Variants in BLM observed in about 807,000 individuals in gnomAD.
BLM encodes recQ-like DNA helicase BLM.
A neutral mutation model predicts 135.3 loss-of-function variants in BLM; 95 were observed. The observed-to-expected ratio is 0.70, with a 90% CI of 0.59 to 0.83. The LOEUF is 0.83. Among genes scored for constraint, BLM ranks in the 40% least tolerant of loss-of-function variants. BLM has a pLI of 0.00. For missense variants in BLM, 1,518 were observed against 1,663.9 expected, an observed-to-expected ratio of 0.91 and a Z score of 1.53; for synonymous variants, 520 against 589.2, an observed-to-expected ratio of 0.88 and a Z score of 1.70.
intron 21 of BLM, among the ~76,000 whole-genome samples, chr15:90,814,593 C>A (rs994503976): frequency 2.0e-5 from 3 of 152,134 alleles, no homozygotes. Context: ...GCCAGGAAGA[C>A]GCCCAGCTTT....
intron 1 of BLM, among the ~76,000 whole-genome samples, chr15:90,717,853 C>T (rs901076131): frequency 6.6e-6 from 1 of 152,252 alleles, no homozygotes; most frequent in Non-Finnish European, 1.5e-5. Context: ...TCCATAATCA[C>T]GAGCTGGGCT....
intron 4 of BLM, among the ~76,000 whole-genome samples, chr15:90,752,242 C>A (rs1030903045): frequency 1.3e-5 from 2 of 150,686 alleles, no homozygotes; most frequent in Admixed American, 1.3e-4. Context: ...GTGGTATGAT[C>A]TTGGCTCACT....
chr15:90,771,226 C>G (rs1336726908), intron 12 of BLM, among the ~76,000 whole-genome samples: 2 of 152,212 alleles, frequency 1.3e-5, no homozygotes, highest in African/African-American at 4.8e-5. Context: ...GTGGCTCATG[C>G]CTGTAATCCC....
intron 21 of BLM, among the ~76,000 whole-genome samples, chr15:90,813,186 G>C (rs916664260): frequency 3.3e-5 from 5 of 152,174 alleles, no homozygotes; most frequent in African/African-American, 4.8e-5. Flanking sequence ...TAAAAAACAC[G>C]CATGGTCTTC....
At chr15:90,794,093 A>G in intron 15 of BLM, 74 bp from the exon 16 acceptor site, 3 of 1,112,340 alleles carry the variant, frequency 2.7e-6, no homozygotes, top group Non-Finnish European at 2.6e-6. Context: ...ATATGAATCT[A>G]TTCTAAATAT....
chr15:90,752,470 C>T (rs1048563954), intron 4 of BLM, among the ~76,000 whole-genome samples: 26 of 152,246 alleles, frequency 1.7e-4, no homozygotes, highest in African/African-American at 6.0e-4. Context: ...AGCCACCTTG[C>T]CTGGCCTTAT....
chr15:90,767,405 A>T (rs1472867283), intron 10 of BLM, among the ~76,000 whole-genome samples: 1 of 152,206 alleles, frequency 6.6e-6, no homozygotes, highest in Admixed American at 6.5e-5. Flanking sequence ...AATGTCCTTT[A>T]TAGCAAAAGA....
chr15:90,737,040 C>G (rs775343524), intron 1 of BLM, among the ~76,000 whole-genome samples: 3 of 151,696 alleles, frequency 2.0e-5, no homozygotes, highest in South Asian at 2.1e-4. Context: ...ACAAACTAAT[C>G]TAATTCAAAT....
chr15:90,758,628 C>A (rs927514585), intron 5 of BLM, among the ~76,000 whole-genome samples: 1 of 152,184 alleles, frequency 6.6e-6, no homozygotes, highest in Non-Finnish European at 1.5e-5. Flanking sequence ...CACTTCCCTT[C>A]TCTCTCCTCT....
chr15:90,755,657 TTCTTTTTC>T (rs1381899886), intron 5 of BLM, among the ~76,000 whole-genome samples: 2 of 152,168 alleles, frequency 1.3e-5, no homozygotes, highest in Non-Finnish European at 1.5e-5. Context: ...TCTTTTTACC[TTCTTTTTC>T]TCTTTTTCAC....
At chr15:90,750,845 T>C (rs774581328) in intron 3 of BLM, among the ~76,000 whole-genome samples, 4 of 152,196 alleles carry the variant, frequency 2.6e-5, no homozygotes, top group Admixed American at 6.5e-5. Context: ...AAACACATAG[T>C]ACTTATCGGG....
chr15:90,753,799 A>G (rs1895748902), intron 4 of BLM, among the ~76,000 whole-genome samples: 1 of 152,208 alleles, frequency 6.6e-6, no homozygotes, highest in Admixed American at 6.5e-5. Context: ...GCTGGCCCTC[A>G]AGATTCTCCA....
At chr15:90,774,066 CTTTTT>C (rs61323062) in intron 12 of BLM, among the ~76,000 whole-genome samples, 6 of 76,866 alleles carry the variant, frequency 7.8e-5, no homozygotes, top group African/African-American at 3.1e-4. Context: ...GTGCCTCCGT[CTTTTT>C]TTTTTTTTTT....
intron 2 of BLM, among the ~76,000 whole-genome samples, chr15:90,748,432 A>G (rs775254741): frequency 3.4e-4 from 51 of 152,128 alleles, no homozygotes; most frequent in Non-Finnish European, 1.0e-4. Flanking sequence ...AATTTTATAT[A>G]CTTTCGAAGA....
intron 12 of BLM, among the ~76,000 whole-genome samples, chr15:90,774,861 T>C (rs1395787538): frequency 1.3e-5 from 2 of 150,468 alleles, no homozygotes; most frequent in African/African-American, 4.9e-5. Context: ...AATAATCCAT[T>C]GGATAAGTGG....
chr15:90,812,460 CCTT>C (rs1173634075), intron 21 of BLM, among the ~76,000 whole-genome samples: 3 of 152,292 alleles, frequency 2.0e-5, no homozygotes, highest in African/African-American at 7.2e-5. Flanking sequence ...TTGGCAGTTT[CCTT>C]CTTTCTTCAT....
chr15:90,718,563 G>T (rs1359443625), intron 1 of BLM, among the ~76,000 whole-genome samples: 1 of 152,174 alleles, frequency 6.6e-6, no homozygotes, highest in Non-Finnish European at 1.5e-5. Context: ...TCTGTTTGGG[G>T]AATAGTAAAT....
Position 90,747,479 on chromosome 15 carries a change from A to G in BLM, c.87A>G (p.Lys29=), listed in dbSNP as rs1895535691. 1.2e-6 allele frequency: 2 copies of G among 1,603,938 alleles called. No homozygotes were observed. Among genetic ancestry groups the G allele is most frequent in the South Asian group, 1.1e-5 (1 of 90,018 alleles). ...RTLNNKLSLS[K]PKFSGFTFKK... ...TTAATAATAAATTAAGTCTTTCAAA[A>G]CCAAAATTTTCGTAAGTGTTTTGAC... is the stretch of plus-strand genomic sequence containing the variant. The change falls in exon 2 of 22, where the codon AAA becomes AAG. Residue 29 remains lysine, a synonymous_variant. Coordinates refer to ENST00000355112, the MANE Select transcript of BLM (RefSeq NM_000057.4).
intron 1 of BLM, among the ~76,000 whole-genome samples, chr15:90,734,076 A>G (rs1895137034): frequency 6.6e-6 from 1 of 152,200 alleles, no homozygotes; most frequent in South Asian, 2.1e-4. Context: ...AACAGAATCC[A>G]GCACTCTATT....
Sources: allele counts gnomAD v4.1 joint callset (sites outside exome capture counted in the v4.1 genomes callset), GRCh38; gene constraint gnomAD v4.1.1; transcripts MANE v1.5; gene names NCBI Gene and HGNC (gene_info 2026-07-23, HGNC 2026-07-21).